Variants in FRMD3 observed in about 807,000 individuals in gnomAD.
FRMD3 encodes FERM domain-containing protein 3.
In FRMD3, 33 loss-of-function variants were observed where a neutral mutation model predicts 70.2. That is an observed-to-expected ratio of 0.47 (90% CI 0.36 to 0.63). The LOEUF (loss-of-function observed/expected upper bound fraction) is 0.63. FRMD3 is among the 20% of genes least tolerant of loss of function. The pLI, the probability that FRMD3 is intolerant of heterozygous loss-of-function variation, is 0.00. For missense variants in FRMD3, 632 were observed against 711.4 expected, an observed-to-expected ratio of 0.89 and a Z score of 1.27; for synonymous variants, 279 against 255.9, an observed-to-expected ratio of 1.09 and a Z score of -0.86.
intron 3 of FRMD3, among the ~76,000 whole-genome samples, chr9:83,356,089 G>C (rs1824326010): frequency 6.6e-6 from 1 of 152,096 alleles, no homozygotes. Context: ...AACAGAGACA[G>C]AATTTCTCAT....
At chr9:83,322,289 G>A (rs1012750506) in intron 6 of FRMD3, among the ~76,000 whole-genome samples, 1 of 152,068 alleles carries the variant, frequency 6.6e-6, no homozygotes, top group African/African-American at 2.4e-5. Flanking sequence ...ACAGTCCAAG[G>A]TCAAATGGCA....
At chr9:83,359,508 G>T (rs1477391647) in intron 3 of FRMD3, among the ~76,000 whole-genome samples, 1 of 152,046 alleles carries the variant, frequency 6.6e-6, no homozygotes, top group East Asian at 1.9e-4. Flanking sequence ...TCTGTAAAGG[G>T]CTAGAGAATA....
Position 83,537,997 on chromosome 9 carries a change from G to T in FRMD3, c.147+88C>A. The T allele has an allele frequency of 6.9e-7, 1 of 1,449,388 alleles. No individual in the cohort carries two copies. Among genetic ancestry groups the T allele is most frequent in the Non-Finnish European group, 9.5e-7 (1 of 1,055,558 alleles). 89.8% of individuals were successfully genotyped at this position (1,449,388 alleles called of 1,614,324 possible). A position where few individuals can be genotyped will look rare whatever the true frequency, so the allele number is the denominator to read the frequency against. ...CAGTCCCCCAATCCCCTCCGGGAGT[G>T]GGTTCCTTGTTCTCGCATGCCCACC... is the stretch of plus-strand genomic sequence containing the variant. On this transcript the variant is annotated intron_variant, in intron 1 of 13. Transcript: ENST00000304195. This position sits in a 1 kb window ranked among gnomAD's most constrained non-coding sequence, Gnocchi z 4.1.
the FRMD3 span, among the ~76,000 whole-genome samples, chr9:83,571,161 G>T: frequency 6.6e-6 from 1 of 151,790 alleles, no homozygotes; most frequent in South Asian, 2.1e-4. Context: ...TGCAAAAAAA[G>T]GTTCTTAAAA....
At chr9:83,322,992 A>G (rs1253167701) in intron 6 of FRMD3, among the ~76,000 whole-genome samples, 2 of 152,230 alleles carry the variant, frequency 1.3e-5, no homozygotes, top group East Asian at 3.8e-4. Context: ...AGAAACCACT[A>G]ACATCTCCAT....
At position 83,311,911 on chromosome 9, in the gene FRMD3, T is replaced by G. The variant is rs752934853; in HGVS notation, c.749A>C (p.Asn250Thr). ...TAAGFVVFQG[N>T]KRIHLIKWPD... ...CCATTTTATCAAATGGATTCTCTTA[T>G]TTCCCTGAAAGACCACAAAGCCTGC... Residue 250 changes from asparagine (N) to threonine (T), a missense_variant, in exon 8 of 14, where the codon AAT becomes ACT. This residue lies in a region of FRMD3 where 418 missense variants were observed against 442.1 expected (regional missense o/e 0.95). Transcript: ENST00000304195. 3.5e-5 allele frequency: 56 copies of G among 1,611,720 alleles called. No homozygotes were observed. The highest frequency in any genetic ancestry group is 1.2e-4 in the Admixed American group (7 of 59,830).
intron 6 of FRMD3, among the ~76,000 whole-genome samples, chr9:83,322,739 T>C (rs1835849014): frequency 6.6e-6 from 1 of 152,134 alleles, no homozygotes; most frequent in Admixed American, 6.5e-5. Context: ...TCTTACTGTT[T>C]CTCCATGCCC....
chr9:83,253,691 G>A (rs1283858185), intron 13 of FRMD3, among the ~76,000 whole-genome samples: 3 of 152,202 alleles, frequency 2.0e-5, no homozygotes, highest in Admixed American at 2.0e-4. Context: ...TTCAACCATT[G>A]TGGAAGACAG....
At position 83,246,666 on chromosome 9, in the gene FRMD3, C is replaced by T. The variant is rs943198107; in HGVS notation, c.*1252G>A. Reference sequence around the variant, plus strand: ...ATTCTCTCTCTCTCTCTCTCTCTCTCTCTCACACACACACACACGCACACT... The same window carrying T: ...ATTCTCTCTCTCTCTCTCTCTCTCTTTCTCACACACACACACACGCACACT... On this transcript the variant is annotated 3_prime_UTR_variant, in exon 14 of 14. Transcript: ENST00000304195. 2.1e-6 allele frequency: 2 copies of T among 970,086 alleles called. No homozygotes were observed. Among genetic ancestry groups the T allele is most frequent in the East Asian group, 2.5e-4 (2 of 7,990 alleles). 60.1% of individuals were successfully genotyped at this position (970,086 alleles called of 1,614,324 possible).
intron 13 of FRMD3, among the ~76,000 whole-genome samples, chr9:83,271,525 A>C (rs1004321147): frequency 1.3e-5 from 2 of 152,234 alleles, no homozygotes; most frequent in Non-Finnish European, 2.9e-5. Flanking sequence ...AGAAAGGACC[A>C]TATGGCCAGG....
At chr9:83,274,461 A>G (rs1461134659) in intron 13 of FRMD3, among the ~76,000 whole-genome samples, 1 of 152,230 alleles carries the variant, frequency 6.6e-6, no homozygotes, top group Non-Finnish European at 1.5e-5. Flanking sequence ...AAGAGCCAAG[A>G]AATATGTCAT....
At chr9:83,461,118 G>A (rs931073171) in intron 1 of FRMD3, among the ~76,000 whole-genome samples, 2 of 152,184 alleles carry the variant, frequency 1.3e-5, no homozygotes, top group Non-Finnish European at 2.9e-5. Flanking sequence ...AAGGAAAGTT[G>A]CAGCTGGGAT....
intron 12 of FRMD3, among the ~76,000 whole-genome samples, chr9:83,293,380 C>G (rs566725476): frequency 6.6e-6 from 1 of 152,134 alleles, no homozygotes; most frequent in Non-Finnish European, 1.5e-5. Context: ...GCCCATCCAT[C>G]CATTCTTGCA....
chr9:83,303,306 A>G (rs939089524), intron 10 of FRMD3, among the ~76,000 whole-genome samples: 2 of 152,192 alleles, frequency 1.3e-5, no homozygotes, highest in African/African-American at 4.8e-5. Context: ...TTTTCACATA[A>G]GGAAAATAAG....
At chr9:83,435,663 G>T (rs1380250933) in intron 1 of FRMD3, among the ~76,000 whole-genome samples, 3 of 152,096 alleles carry the variant, frequency 2.0e-5, no homozygotes, top group Non-Finnish European at 4.4e-5. Flanking sequence ...CTTTTGTTTT[G>T]TTCCAGTTTT....
chr9:83,351,730 T>TAGAC (rs1554691524), intron 3 of FRMD3, among the ~76,000 whole-genome samples: 17 of 151,452 alleles, frequency 1.1e-4, no homozygotes, highest in Admixed American at 7.9e-4. Context: ...GATAGATAGA[T>TAGAC]AGACATGCCA....
chr9:83,413,449 G>A (rs1238539099), intron 1 of FRMD3, among the ~76,000 whole-genome samples: 3 of 152,256 alleles, frequency 2.0e-5, no homozygotes, highest in Non-Finnish European at 2.9e-5. Context: ...GGATGCACCC[G>A]GGCCCCTGAA....
At chr9:83,394,905 G>C (rs191442560) in intron 1 of FRMD3, among the ~76,000 whole-genome samples, 1 of 152,262 alleles carries the variant, frequency 6.6e-6, no homozygotes, top group Non-Finnish European at 1.5e-5. Context: ...ATTCCTCTGA[G>C]ACTGTTTCTC....
intron 1 of FRMD3, among the ~76,000 whole-genome samples, chr9:83,462,025 C>T (rs1233670254): frequency 1.3e-5 from 2 of 152,004 alleles, no homozygotes; most frequent in African/African-American, 2.4e-5. Flanking sequence ...TACTATTAGC[C>T]AACTCACTTC....
Sources: allele counts gnomAD v4.1 joint callset (sites outside exome capture counted in the v4.1 genomes callset), GRCh38; gene constraint gnomAD v4.1.1; regional missense constraint gnomAD v4.1.1; non-coding constraint Gnocchi (gnomAD v3.1); transcripts MANE v1.5; gene names NCBI Gene and HGNC (gene_info 2026-07-23, HGNC 2026-07-21).